MACROD2: variants seen among roughly 807,000 people sequenced by gnomAD.
MACROD2 encodes the protein mono-ADP ribosylhydrolase 2.
MACROD2 carries 36 observed loss-of-function variants against 70.4 expected under a neutral mutation model. That is an observed-to-expected ratio of 0.51 (90% CI 0.39 to 0.68). MACROD2 has a LOEUF of 0.68. MACROD2 is among the 30% of genes least tolerant of loss of function. The pLI, the probability that MACROD2 is intolerant of heterozygous loss-of-function variation, is 0.00. For missense variants in MACROD2, 496 were observed against 538.4 expected, an observed-to-expected ratio of 0.92 and a Z score of 0.78; for synonymous variants, 172 against 178.8, an observed-to-expected ratio of 0.96 and a Z score of 0.30.
intron 5 of MACROD2, among the ~76,000 whole-genome samples, chr20:15,125,460 ATTT>A: frequency 6.6e-6 from 1 of 152,128 alleles, no homozygotes; most frequent in Non-Finnish European, 1.5e-5. Flanking sequence ...CCACTCATTC[ATTT>A]ATTCATTCAT....
intron 5 of MACROD2, among the ~76,000 whole-genome samples, chr20:14,745,720 C>T (rs1252163672): frequency 2.6e-5 from 4 of 152,096 alleles, no homozygotes; most frequent in African/African-American, 7.2e-5. Flanking sequence ...ATGTACCAGG[C>T]GATTTTACCC....
intron 8 of MACROD2, among the ~76,000 whole-genome samples, chr20:15,823,330 G>C (rs2063961990): frequency 6.9e-6 from 1 of 144,372 alleles, no homozygotes; most frequent in African/African-American, 2.6e-5. Flanking sequence ...GTCTATAGCT[G>C]TCTATGCGAA....
Position 14,709,899 on chromosome 20 carries a change from T to C in MACROD2, c.418+24940T>C, listed in dbSNP as rs556842149. On this transcript the variant is annotated intron_variant, in intron 5 of 17. Coordinates refer to ENST00000684519, the MANE Select transcript of MACROD2 (RefSeq NM_001351661.2). ...TGGATAAATGTAGCAATTCCACATG[T>C]TCATCAATGTGTTACAGCCTAAAAT... 1.1e-4 allele frequency among the ~76,000 whole-genome samples: 16 copies of C among 152,352 alleles called. 1 individual carries two copies. Among genetic ancestry groups the C allele is most frequent in the Admixed American group, 3.3e-4 (5 of 15,298 alleles).
chr20:14,981,499 T>G (rs2074800164), intron 5 of MACROD2, among the ~76,000 whole-genome samples: 1 of 151,614 alleles, frequency 6.6e-6, no homozygotes, highest in Non-Finnish European at 1.5e-5. Flanking sequence ...TGTTATATGA[T>G]TTGGCCGTGT....
intron 5 of MACROD2, among the ~76,000 whole-genome samples, chr20:15,050,705 A>G (rs1039609224): frequency 6.6e-6 from 1 of 151,708 alleles, no homozygotes; most frequent in African/African-American, 2.4e-5. Flanking sequence ...CATTTTTTAA[A>G]GTAGTGAAAT....
intron 5 of MACROD2, among the ~76,000 whole-genome samples, chr20:14,727,559 G>C (rs749199489): frequency 6.6e-6 from 1 of 151,954 alleles, no homozygotes; most frequent in African/African-American, 2.4e-5. Flanking sequence ...GAGAGAGAGA[G>C]AGAAGAAACA....
At chr20:14,866,556 G>T (rs183427480) in intron 5 of MACROD2, among the ~76,000 whole-genome samples, 5 of 152,086 alleles carry the variant, frequency 3.3e-5, no homozygotes, top group Non-Finnish European at 7.4e-5. Context: ...TAGATGACAT[G>T]TTCAAATTTA....
chr20:14,482,809 C>T (rs919584724), intron 3 of MACROD2, among the ~76,000 whole-genome samples: 13 of 152,180 alleles, frequency 8.5e-5, no homozygotes, highest in Admixed American at 5.9e-4. Flanking sequence ...TCATTCCTTA[C>T]TCTGACTTTT....
chr20:14,794,300 A>G (rs1259190840), intron 5 of MACROD2, among the ~76,000 whole-genome samples: 12 of 152,246 alleles, frequency 7.9e-5, no homozygotes, highest in African/African-American at 2.2e-4. Context: ...CCTACTTACT[A>G]TGTCACCATT....
chr20:14,553,201 T>G (rs1978778696), intron 4 of MACROD2, among the ~76,000 whole-genome samples: 1 of 151,302 alleles, frequency 6.6e-6, no homozygotes, highest in South Asian at 2.1e-4. Context: ...AATTTTTTTT[T>G]GTTAAAAACT....
At chr20:14,560,546 CATTTT>C (rs1239828038) in intron 4 of MACROD2, among the ~76,000 whole-genome samples, 1 of 151,834 alleles carries the variant, frequency 6.6e-6, no homozygotes, top group East Asian at 1.9e-4. Context: ...TGTCACAACT[CATTTT>C]ATTAATGATT....
chr20:15,222,319 T>A (rs911376270), intron 5 of MACROD2, among the ~76,000 whole-genome samples: 3 of 152,168 alleles, frequency 2.0e-5, no homozygotes, highest in African/African-American at 7.2e-5. Context: ...TGAAATATAA[T>A]AAAAACAAAC....
chr20:15,461,006 A>ATATATATATATATATATATATTTTTTTTT, intron 7 of MACROD2, among the ~76,000 whole-genome samples: 16 of 66,988 alleles, frequency 2.4e-4, no homozygotes, highest in African/African-American at 5.9e-4. Context: ...ATATATATAT[A>ATATATATATATATATATATATTTTTTTTT]TTTTTTTTTA....
intron 3 of MACROD2, among the ~76,000 whole-genome samples, chr20:14,300,983 T>C (rs965069319): frequency 1.3e-5 from 2 of 152,232 alleles, no homozygotes; most frequent in Non-Finnish European, 2.9e-5. Flanking sequence ...CTAAGATATA[T>C]TGAGCACTTA....
intron 8 of MACROD2, among the ~76,000 whole-genome samples, chr20:15,787,103 T>G (rs1209686235): frequency 6.6e-6 from 1 of 151,972 alleles, no homozygotes; most frequent in African/African-American, 2.4e-5. Flanking sequence ...TCTCGAGTAG[T>G]TGTGACTACA....
chr20:14,401,347 C>T (rs1356664555), intron 3 of MACROD2, among the ~76,000 whole-genome samples: 1 of 152,080 alleles, frequency 6.6e-6, no homozygotes, highest in Non-Finnish European at 1.5e-5. Context: ...ACTGGTATTT[C>T]TGTCTTTAAG....
chr20:15,444,100 G>A (rs567105542), intron 7 of MACROD2, among the ~76,000 whole-genome samples: 1 of 151,952 alleles, frequency 6.6e-6, no homozygotes, highest in Non-Finnish European at 1.5e-5. Flanking sequence ...TTGGGCAACT[G>A]CTAATCTACA....
intron 3 of MACROD2, among the ~76,000 whole-genome samples, chr20:14,261,384 G>A (rs564326976): frequency 7.2e-5 from 11 of 152,030 alleles, no homozygotes; most frequent in African/African-American, 1.2e-4. Flanking sequence ...TTCTACTTTC[G>A]CATTTAATGT....
In MACROD2 at chr20:14,230,654, T is replaced by TATATATATATA; in HGVS notation, c.271+144927_271+144928insTATATATATAA. On this transcript the variant is annotated intron_variant, in intron 3 of 17. Coordinates refer to ENST00000684519, the MANE Select transcript of MACROD2 (RefSeq NM_001351661.2). ...GTTTATATATATATATATATATATA[T>TATATATATATA]AACACAGGCTGGGCCTATATATATA... Among the ~76,000 whole-genome samples, 46 of 74,244 alleles carry TATATATATATA rather than the reference T, an allele frequency of 6.2e-4. 5 individuals carry two copies. The highest frequency in any genetic ancestry group is 3.0e-3 in the African/African-American group (45 of 14,826). 48.7% of individuals were successfully genotyped at this position (74,244 alleles called of 152,430 possible). A position where few individuals can be genotyped will look rare whatever the true frequency, so the allele number is the denominator to read the frequency against.
Sources: gnomAD v4.1 joint callset for allele counts (sites outside exome capture counted in the v4.1 genomes callset) on GRCh38, gnomAD v4.1.1 for gene constraint, MANE v1.5 for transcripts, NCBI Gene and HGNC (gene_info 2026-07-23, HGNC 2026-07-21) for gene names.